ATP6V1C2: variants seen among roughly 807,000 people sequenced by gnomAD.
The protein encoded by ATP6V1C2 is V-type proton ATPase subunit C 2.
A neutral mutation model predicts 56.8 loss-of-function variants in ATP6V1C2; 45 were observed. The observed-to-expected ratio is 0.79, with a 90% CI of 0.62 to 1.02. The LOEUF is 1.02. Among genes scored for constraint, ATP6V1C2 ranks in the 50% least tolerant of loss-of-function variants. The pLI is 0.00. For missense variants in ATP6V1C2, 463 were observed against 519.7 expected, an observed-to-expected ratio of 0.89 and a Z score of 1.06; for synonymous variants, 220 against 201.3, an observed-to-expected ratio of 1.09 and a Z score of -0.79.
At chr2:10,771,473 A>G (rs1453989551) in intron 6 of ATP6V1C2, among the ~76,000 whole-genome samples, 4 of 152,192 alleles carry the variant, frequency 2.6e-5, no homozygotes, top group African/African-American at 4.8e-5. Flanking sequence ...CACTTGAGTA[A>G]CTTTAGCTGC....
chr2:10,723,346 A>G (rs1462462731), intron 2 of ATP6V1C2, among the ~76,000 whole-genome samples: 4 of 152,164 alleles, frequency 2.6e-5, no homozygotes, highest in Admixed American at 1.3e-4. Context: ...AAGACCCACC[A>G]TATAGTTTAG....
At chr2:10,773,661 G>A (rs1017472256) in intron 8 of ATP6V1C2, among the ~76,000 whole-genome samples, 4 of 152,190 alleles carry the variant, frequency 2.6e-5, no homozygotes, top group African/African-American at 9.7e-5. Context: ...AGGATTACAC[G>A]TGTGAGCCAC....
chr2:10,761,873 A>G (rs963982164), intron 4 of ATP6V1C2, among the ~76,000 whole-genome samples: 1 of 152,192 alleles, frequency 6.6e-6, no homozygotes, highest in Non-Finnish European at 1.5e-5. Context: ...AAGTCTGTAA[A>G]ACAAATTCTC....
chr2:10,778,015 C>T (rs1665111916), intron 11 of ATP6V1C2, among the ~76,000 whole-genome samples: 1 of 152,146 alleles, frequency 6.6e-6, no homozygotes, highest in Admixed American at 6.5e-5. Context: ...GTTGGCAGCT[C>T]AGCTCTCCTC....
At position 10,722,832 on chromosome 2, in the gene ATP6V1C2, TAAGAG is replaced by T; in HGVS notation, c.-13_-9del. 1 of 1,613,748 alleles carries T rather than the reference TAAGAG, an allele frequency of 6.2e-7. No homozygotes were observed. The highest frequency in any genetic ancestry group is 8.5e-7 in the Non-Finnish European group (1 of 1,179,834). On this transcript the variant is annotated 5_prime_UTR_variant, in exon 2 of 14. Coordinates refer to ENST00000272238, the MANE Select transcript of ATP6V1C2 (RefSeq NM_001039362.2). ...GTCCTGGTTCTGGGCAGTCACTGGG[TAAGAG>T]AAGACTGGAAGCATGTCGGAGTTTT... is the stretch of plus-strand genomic sequence containing the variant.
In ATP6V1C2 at chr2:10,753,069, A is replaced by G. The variant is rs891913218; in HGVS notation, c.198-912A>G. 9.8e-5 allele frequency among the ~76,000 whole-genome samples: 15 copies of G among 152,374 alleles called. No individual in the cohort carries two copies. In the South Asian group the frequency reaches 1.7e-3, roughly 17 times the overall value. On this transcript the variant is annotated intron_variant, in intron 3 of 13. Coordinates refer to ENST00000272238, the MANE Select transcript of ATP6V1C2 (RefSeq NM_001039362.2). ...TTGGTAATTGGCAGAGTTGTGGCCA[A>G]TTTGAGCCCTTTTGCCTTCAAATGC...
rs913875740 is a variant in ATP6V1C2 at position 10,783,362 on chromosome 2, A to G, written c.*99A>G. On this transcript the variant is annotated 3_prime_UTR_variant, in exon 14 of 14. Coordinates refer to ENST00000272238, the MANE Select transcript of ATP6V1C2 (RefSeq NM_001039362.2). The stretch of plus-strand genomic sequence containing the variant: ...GGTTCAAATGTCTTACAGAACTAAG[A>G]TCTTTTTCAGAGAAATTGCTCACAA... 2.4e-5 allele frequency: 17 copies of G among 719,856 alleles called. No homozygotes were observed. The highest frequency in any genetic ancestry group is 3.4e-5 in the Non-Finnish European group (15 of 445,284). The allele number at this position is 719,856 out of a possible 1,614,324, so 44.6% of individuals were successfully genotyped here.
chr2:10,745,761 A>G (rs1662875118), intron 3 of ATP6V1C2, among the ~76,000 whole-genome samples: 1 of 152,146 alleles, frequency 6.6e-6, no homozygotes, highest in Admixed American at 6.6e-5. Context: ...TATTCATTAA[A>G]CAGTGACTCC....
chr2:10,746,728 T>C (rs1368786098), intron 3 of ATP6V1C2, among the ~76,000 whole-genome samples: 1 of 152,216 alleles, frequency 6.6e-6, no homozygotes, highest in Non-Finnish European at 1.5e-5. Flanking sequence ...TTTTATTTTC[T>C]ATTTGCAAAA....
chr2:10,777,515 G>A (rs571678380), intron 10 of ATP6V1C2, 70 bp from the exon 11 acceptor site: 11 of 1,570,340 alleles, frequency 7.0e-6, no homozygotes, highest in East Asian at 6.7e-5. Context: ...CCTTTCAGGC[G>A]ATGAGAATGA....
intron 7 of ATP6V1C2, 134 bp from the exon 8 acceptor site, chr2:10,772,408 G>A (rs1664678084): frequency 2.6e-6 from 2 of 776,436 alleles, no homozygotes; most frequent in Non-Finnish European, 4.6e-6. Context: ...CTCAGGGGAG[G>A]TGAGGGCTCC....
intron 3 of ATP6V1C2, among the ~76,000 whole-genome samples, chr2:10,734,649 C>T (rs926937224): frequency 1.3e-5 from 2 of 152,108 alleles, no homozygotes; most frequent in Admixed American, 1.3e-4. Flanking sequence ...GGAGGGAATA[C>T]ACTCCAGATC....
At chr2:10,721,475 C>CCG (rs1661350133), upstream of ATP6V1C2, among the ~76,000 whole-genome samples, 1 of 152,156 alleles carries the variant, frequency 6.6e-6, no homozygotes, top group Non-Finnish European at 1.5e-5. Context: ...CGCGTCTCCT[C>CCG]CGCGCCTTCC....
At chr2:10,730,140 G>A (rs1469541261) in intron 3 of ATP6V1C2, among the ~76,000 whole-genome samples, 1 of 152,080 alleles carries the variant, frequency 6.6e-6, no homozygotes, top group African/African-American at 2.4e-5. Flanking sequence ...TTTTAAGACA[G>A]AATCTTGCTC....
chr2:10,745,663 C>T (rs1467575261), intron 3 of ATP6V1C2, among the ~76,000 whole-genome samples: 1 of 151,958 alleles, frequency 6.6e-6, no homozygotes, highest in Non-Finnish European at 1.5e-5. Context: ...GTGTACAGTT[C>T]AGTGGCGTTA....
chr2:10,751,872 C>T (rs1456354078), intron 3 of ATP6V1C2, among the ~76,000 whole-genome samples: 1 of 152,138 alleles, frequency 6.6e-6, no homozygotes, highest in Non-Finnish European at 1.5e-5. Flanking sequence ...CTTTGGGAGG[C>T]TGAGGCCTGA....
chr2:10,744,606 A>G (rs1662764314), intron 3 of ATP6V1C2, among the ~76,000 whole-genome samples: 1 of 151,798 alleles, frequency 6.6e-6, no homozygotes, highest in African/African-American at 2.4e-5. Flanking sequence ...CTTGAACTAC[A>G]TAAACAGGTC....
chr2:10,746,613 T>C (rs1055231210), intron 3 of ATP6V1C2, among the ~76,000 whole-genome samples: 5 of 152,174 alleles, frequency 3.3e-5, no homozygotes, highest in Non-Finnish European at 7.3e-5. Flanking sequence ...GGTTTCACCA[T>C]GTCGACCAGG....
chr2:10,744,793 C>T (rs1485145604), intron 3 of ATP6V1C2, among the ~76,000 whole-genome samples: 4 of 151,026 alleles, frequency 2.6e-5, no homozygotes, highest in South Asian at 2.1e-4. Context: ...CTCTGCCTCC[C>T]GAGTAGCTGG....
Sources: gnomAD v4.1 joint callset for allele counts (sites outside exome capture counted in the v4.1 genomes callset) on GRCh38, gnomAD v4.1.1 for gene constraint, MANE v1.5 for transcripts, NCBI Gene and HGNC (gene_info 2026-07-23, HGNC 2026-07-21) for gene names.